The following TCF4 variants were observed in gnomAD, a reference collection of about 807,000 sequenced individuals.
TCF4 encodes the protein transcription factor 4.
A neutral mutation model predicts 82.1 loss-of-function variants in TCF4; 3 were observed. That is an observed-to-expected ratio of 0.04 (90% CI 0.02 to 0.09). TCF4 has a LOEUF of 0.09. TCF4 is among the 10% of genes least tolerant of loss of function. The probability of loss-of-function intolerance (pLI) is 1.00; values close to 1 mark genes in which losing one functional copy is unlikely to be tolerated. For missense variants in TCF4, 518 were observed against 852.7 expected, an observed-to-expected ratio of 0.61 and a Z score of 4.89; for synonymous variants, 276 against 309.6, an observed-to-expected ratio of 0.89 and a Z score of 1.14.
chr18:55,379,663 C>T (rs971159404), intron 6 of TCF4, among the ~76,000 whole-genome samples: 3 of 152,130 alleles, frequency 2.0e-5, no homozygotes, highest in Non-Finnish European at 4.4e-5. Flanking sequence ...TTAATTTACT[C>T]GGCTTGATGA....
At position 55,340,711 on chromosome 18, in the gene TCF4, T is replaced by A. The variant is rs188397411; in HGVS notation, c.549+9648A>T. Among the ~76,000 whole-genome samples the A allele has an allele frequency of 1.9e-3, 296 of 152,102 alleles. 1 individual carries two copies. The highest frequency in any genetic ancestry group is 3.0e-3 in the Non-Finnish European group (201 of 67,952). ...TTTCTATTCTACTGCTAACTACTCC[T>A]AAGTAGGCTGCCATGTTAGATTTGT... On this transcript the variant is annotated intron_variant, in intron 8 of 19. Transcript: ENST00000354452.
chr18:55,558,663 A>C (rs2097326929), intron 3 of TCF4, among the ~76,000 whole-genome samples: 1 of 152,206 alleles, frequency 6.6e-6, no homozygotes, highest in Non-Finnish European at 1.5e-5. Context: ...ACATTGGGCC[A>C]ATCGAAACAA....
At chr18:55,442,212 T>A (rs1191049672) in intron 5 of TCF4, among the ~76,000 whole-genome samples, 1 of 152,186 alleles carries the variant, frequency 6.6e-6, no homozygotes, top group Non-Finnish European at 1.5e-5. Context: ...TTGGGTCATT[T>A]TCCAGGCTAC....
chr18:55,390,702 G>A (rs1158133708), intron 6 of TCF4, among the ~76,000 whole-genome samples: 1 of 152,170 alleles, frequency 6.6e-6, no homozygotes, highest in South Asian at 2.1e-4. Context: ...TTAGAGGCTA[G>A]TACAATTACC....
At chr18:55,408,431 C>T (rs1181839875) in intron 5 of TCF4, among the ~76,000 whole-genome samples, 1 of 152,120 alleles carries the variant, frequency 6.6e-6, no homozygotes, top group Non-Finnish European at 1.5e-5. Flanking sequence ...TCTGATTACC[C>T]TGTGAATCTA....
chr18:55,390,161 G>A (rs937591535), intron 6 of TCF4, among the ~76,000 whole-genome samples: 15 of 151,854 alleles, frequency 9.9e-5, no homozygotes, highest in African/African-American at 3.4e-4. Context: ...TTTGGAAAGT[G>A]ATAAATACTT....
chr18:55,403,915 T>G lies in TCF4; in HGVS notation c.305-397A>C, dbSNP rs569073602. 51 of 1,414,356 alleles carry G rather than the reference T, an allele frequency of 3.6e-5. 1 individual carries two copies. In the Admixed American group the frequency reaches 5.5e-4, roughly 15 times the overall value. The allele number at this position is 1,414,356 out of a possible 1,614,324, so 87.6% of individuals were successfully genotyped here. ...TAATTCCCATTGATTATATTGACAC[T>G]TAATAGTGAGGCCAAAACTAATCAA... On this transcript the variant is annotated intron_variant, in intron 5 of 19. Transcript: ENST00000354452.
At chr18:55,339,199 A>AT (rs1211735710) in intron 8 of TCF4, among the ~76,000 whole-genome samples, 3 of 152,210 alleles carry the variant, frequency 2.0e-5, no homozygotes, top group African/African-American at 4.8e-5. Flanking sequence ...CCAAAGTAGT[A>AT]TTAAAAAAAA....
At chr18:55,421,702 C>T (rs2094764338) in intron 5 of TCF4, among the ~76,000 whole-genome samples, 1 of 152,180 alleles carries the variant, frequency 6.6e-6, no homozygotes, top group Non-Finnish European at 1.5e-5. Flanking sequence ...TTTTAATAAT[C>T]ATCATTTTTT....
intron 8 of TCF4, among the ~76,000 whole-genome samples, chr18:55,346,987 T>C (rs1230715500): frequency 6.6e-6 from 1 of 152,156 alleles, no homozygotes; most frequent in Non-Finnish European, 1.5e-5. Context: ...ATTCAATGTG[T>C]ATGATTATTA....
At chr18:55,417,389 T>C (rs977615458) in intron 5 of TCF4, among the ~76,000 whole-genome samples, 1 of 152,222 alleles carries the variant, frequency 6.6e-6, no homozygotes, top group Non-Finnish European at 1.5e-5. Context: ...GATTAGGATA[T>C]TTAAATGAAA....
intron 8 of TCF4, among the ~76,000 whole-genome samples, chr18:55,313,280 G>A (rs1049716464): frequency 2.6e-5 from 4 of 152,120 alleles, no homozygotes; most frequent in African/African-American, 4.8e-5. Flanking sequence ...ATTTTGTTGT[G>A]AAGCCGGGGG....
rs144588950 is a variant in TCF4, at chr18:55,414,801, C to T, written c.305-11283G>A. On this transcript the variant is annotated intron_variant, in intron 5 of 19. Coordinates refer to ENST00000354452, the MANE Select transcript of TCF4 (RefSeq NM_001083962.2). ...TTAACATCTCATACTCTATAAACAG[C>T]AACTGCAAAAGCAAAACAAAACAAA... Among the ~76,000 whole-genome samples, 448 of 152,296 alleles carry T rather than the reference C, an allele frequency of 2.9e-3. 1 individual carries two copies. The highest frequency in any genetic ancestry group is 9.8e-3 in the African/African-American group (409 of 41,554).
At chr18:55,495,787 T>C (rs1242936269) in intron 3 of TCF4, 1 of 152,166 alleles carries the variant, frequency 6.6e-6, no homozygotes, top group Non-Finnish European at 1.5e-5. Flanking sequence ...TTAACAGCAA[T>C]ATAATCTAGA....
chr18:55,492,465 T>TG (rs961269439), intron 3 of TCF4, among the ~76,000 whole-genome samples: 17 of 152,164 alleles, frequency 1.1e-4, no homozygotes, highest in Non-Finnish European at 2.2e-4. Flanking sequence ...AGAGAAAAGT[T>TG]GGGGGGTCAA....
intron 8 of TCF4, among the ~76,000 whole-genome samples, chr18:55,327,655 A>G (rs1168204390): frequency 1.3e-5 from 2 of 152,162 alleles, no homozygotes; most frequent in African/African-American, 4.8e-5. Flanking sequence ...ATTATAAAGT[A>G]ATTCACATTG....
chr18:55,457,464 T>C (rs1188045431), intron 5 of TCF4, among the ~76,000 whole-genome samples: 1 of 152,176 alleles, frequency 6.6e-6, no homozygotes, highest in Non-Finnish European at 1.5e-5. Context: ...AGATTATTTC[T>C]AAAAGAATAA....
intron 8 of TCF4, among the ~76,000 whole-genome samples, chr18:55,291,915 T>C (rs1423828374): frequency 2.6e-5 from 4 of 152,156 alleles, no homozygotes; most frequent in Non-Finnish European, 4.4e-5. Flanking sequence ...ATAAAGTGAG[T>C]AGCCTTTTGT....
chr18:55,323,176 T>C (rs986231619), intron 8 of TCF4, among the ~76,000 whole-genome samples: 5 of 152,048 alleles, frequency 3.3e-5, no homozygotes, highest in Admixed American at 6.6e-5. Flanking sequence ...GGAGAGGAGA[T>C]GGGCTGACTT....
Sources: gnomAD v4.1 joint callset for allele counts (sites outside exome capture counted in the v4.1 genomes callset) on GRCh38, gnomAD v4.1.1 for gene constraint, MANE v1.5 for transcripts, NCBI Gene and HGNC (gene_info 2026-07-23, HGNC 2026-07-21) for gene names.